The following DNAH17 variants were observed in gnomAD, a reference collection of about 807,000 sequenced individuals.
DNAH17 encodes dynein axonemal heavy chain 17.
A neutral mutation model predicts 485.6 loss-of-function variants in DNAH17; 376 were observed. The observed-to-expected ratio is 0.77, with a 90% CI of 0.71 to 0.84. DNAH17 has a LOEUF of 0.84. Ranked by LOEUF, DNAH17 falls within the 40% of genes least tolerant of loss-of-function variation. The pLI is 0.00. For missense variants in DNAH17, 6,370 were observed against 5,839.3 expected (o/e 1.09, Z -2.96); for synonymous variants, 3,031 against 2,405.9 (o/e 1.26, Z -7.60).
chr17:78,487,226 A>G (rs958441740), intron 44 of DNAH17, among the ~76,000 whole-genome samples: 2 of 152,144 alleles, frequency 1.3e-5, no homozygotes, highest in African/African-American at 2.4e-5. Context: ...TGCTTTAGGC[A>G]GGTTACTGCA....
At chr17:78,517,919 A>G (rs1010304691) in intron 25 of DNAH17, among the ~76,000 whole-genome samples, 1 of 152,236 alleles carries the variant, frequency 6.6e-6, no homozygotes, top group Non-Finnish European at 1.5e-5. Flanking sequence ...GTGAGGGCAA[A>G]GAGATCTAAA....
chr17:78,458,144 G>C (rs2087901121), intron 62 of DNAH17, among the ~76,000 whole-genome samples: 1 of 152,212 alleles, frequency 6.6e-6, no homozygotes. Flanking sequence ...GAAAAGTTAA[G>C]GTGACACATC....
At position 78,548,202 on chromosome 17, in the gene DNAH17, C is replaced by CTTTTTTTTTTTTT. The variant is rs34701814; in HGVS notation, c.2391+3320_2391+3332dup. Among the ~76,000 whole-genome samples the CTTTTTTTTTTTTT allele has an allele frequency of 2.9e-3, 230 of 80,112 alleles. 31 individuals are homozygous for CTTTTTTTTTTTTT. Among genetic ancestry groups the CTTTTTTTTTTTTT allele is most frequent in the African/African-American group, 0.01 (195 of 18,714 alleles). The allele number at this position is 80,112 out of a possible 152,430, so 52.6% of individuals were successfully genotyped here. A position where few individuals can be genotyped will look rare whatever the true frequency, so the allele number is the denominator to read the frequency against. On this transcript the variant is annotated intron_variant, in intron 16 of 80. Transcript: ENST00000389840. ...GTTGTTATTTCGTAGATGTCATGGCCTTTTTTTTTTTTTTTTTTTGGAGAC... is the reference window on the plus strand; with the variant it reads ...GTTGTTATTTCGTAGATGTCATGGCCTTTTTTTTTTTTTTTTTTTTTTTTTTTTTTTTGGAGAC...
Position 78,574,587 on chromosome 17 carries a change from C to G in DNAH17, c.345+126G>C, listed in dbSNP as rs2092406945. On this transcript the variant is annotated intron_variant, in intron 2 of 80. Transcript: ENST00000389840. ...GGACGGGGCCCGAGCGCCTGCATTT[C>G]CAATCCCTCCCCGGCTCTGCAGCTG... is the stretch of plus-strand genomic sequence containing the variant. The G allele has an allele frequency of 4.8e-6, 4 of 825,430 alleles. 1 individual carries two copies. The South Asian group carries it at 7.6e-5, about 16-fold the overall frequency. The allele number at this position is 825,430 out of a possible 1,614,324, so 51.1% of individuals were successfully genotyped here. A position where few individuals can be genotyped will look rare whatever the true frequency, so the allele number is the denominator to read the frequency against.
At chr17:78,559,768 C>T (rs1412332005) in intron 13 of DNAH17, among the ~76,000 whole-genome samples, 3 of 152,158 alleles carry the variant, frequency 2.0e-5, no homozygotes, top group Non-Finnish European at 4.4e-5. Context: ...TGGGGCCCTT[C>T]CTCGTCACCT....
At chr17:78,554,824 G>A (rs1433107369) in intron 14 of DNAH17, among the ~76,000 whole-genome samples, 1 of 152,180 alleles carries the variant, frequency 6.6e-6, no homozygotes, top group Non-Finnish European at 1.5e-5. Context: ...TTGGCTCACT[G>A]CAACCTCCGC....
At chr17:78,453,553 GAGCGAGAC>G in intron 64 of DNAH17, 88 bp from the exon 65 acceptor site, 1 of 1,547,688 alleles carries the variant, frequency 6.5e-7, no homozygotes, top group Non-Finnish European at 8.8e-7. Context: ...CCTGCCCTCT[GAGCGAGAC>G]AGCGCCAAGC....
intron 75 of DNAH17, among the ~76,000 whole-genome samples, chr17:78,431,118 GTCC>G (rs567744079): frequency 1.6e-3 from 237 of 152,156 alleles, no homozygotes; most frequent in Admixed American, 9.8e-3. Context: ...GGCTCAAGCA[GTCC>G]TCCTGCCTCG....
chr17:78,532,863 C>G, intron 19 of DNAH17, 127 bp from the exon 20 acceptor site: 1 of 1,161,260 alleles, frequency 8.6e-7, no homozygotes, highest in Non-Finnish European at 1.2e-6. Context: ...TCATGATGAC[C>G]TGCTCTTTTT....
Position 78,480,455 on chromosome 17 carries a change from A to G in DNAH17, c.7752+229T>C, listed in dbSNP as rs555987873. On this transcript the variant is annotated intron_variant, in intron 49 of 80. Transcript: ENST00000389840. ...TTATCTGGAGTTTGGATTTAACTGCAATTTTATTTGCTAACTCTGCCAGTT... is the reference window on the plus strand; with the variant it reads ...TTATCTGGAGTTTGGATTTAACTGCGATTTTATTTGCTAACTCTGCCAGTT... Among the ~76,000 whole-genome samples the G allele has an allele frequency of 1.8e-3, 280 of 152,346 alleles. 2 individuals carry two copies. The highest frequency in any genetic ancestry group is 6.6e-3 in the African/African-American group (274 of 41,572).
chr17:78,452,574 C>A (rs2087600303), intron 65 of DNAH17, among the ~76,000 whole-genome samples: 1 of 152,088 alleles, frequency 6.6e-6, no homozygotes, highest in South Asian at 2.1e-4. Context: ...CCCGTCTCTA[C>A]TAAAAATACA....
At chr17:78,521,795 T>C (rs560552571) in intron 25 of DNAH17, among the ~76,000 whole-genome samples, 1 of 152,188 alleles carries the variant, frequency 6.6e-6, no homozygotes, top group African/African-American at 2.4e-5. Context: ...GAGACCAGCC[T>C]GGTCAACATG....
intron 16 of DNAH17, among the ~76,000 whole-genome samples, chr17:78,551,039 T>C (rs1170076922): frequency 2.0e-5 from 3 of 152,046 alleles, no homozygotes; most frequent in African/African-American, 7.2e-5. Flanking sequence ...GGCAACATGG[T>C]GAAACCTCAT....
At chr17:78,450,098 C>T (rs2087480790) in intron 68 of DNAH17, 156 bp downstream of exon 68, 2 of 882,734 alleles carry the variant, frequency 2.3e-6, no homozygotes, top group Non-Finnish European at 1.7e-6. Context: ...GCCCCTGGCT[C>T]CCCCTCTTCC....
intron 25 of DNAH17, among the ~76,000 whole-genome samples, chr17:78,524,018 T>C (rs2090999584): frequency 1.3e-5 from 2 of 152,196 alleles, no homozygotes; most frequent in Admixed American, 6.5e-5. Context: ...CCTCTGATGG[T>C]CTGAATATTC....
In DNAH17 at chr17:78,514,744, G is replaced by T. The variant is rs755540874; in HGVS notation, c.4113+30C>A. ...GCAGCAGAGCTGGCCGCCAGGGGCG[G>T]TCCCCTCCGCCCACCATGGTGCATG... On this transcript the variant is annotated intron_variant, in intron 26 of 80. Coordinates refer to ENST00000389840, the MANE Select transcript of DNAH17 (RefSeq NM_173628.4). 61 of 1,606,830 alleles carry T rather than the reference G, an allele frequency of 3.8e-5. No homozygotes were observed. In the African/African-American group the frequency reaches 4.4e-4, roughly 12 times the overall value.
At position 78,486,363 on chromosome 17, in the gene DNAH17, A is replaced by G. The variant is rs568822435; in HGVS notation, c.6962T>C (p.Val2321Ala). Residue 2321 changes from valine (V) to alanine (A), a missense_variant, in exon 45 of 81, where the codon GTG becomes GCG. By Grantham distance (64) the Val-to-Ala change is moderately conservative. Transcript: ENST00000389840. The stretch of plus-strand genomic sequence containing the variant: ...CAGCAGGTACAGAATCGTTTGGATC[A>G]CCGTGATCTCCGGCACTGGCGTGAT... ...KKITPVPEIT[V>A]IQTILYLLEC... 114 of 1,613,876 alleles carry G rather than the reference A, an allele frequency of 7.1e-5. 2 individuals carry two copies. The South Asian group carries it at 1.3e-3, about 18-fold the overall frequency.
chr17:78,484,739 A>ACCCCCCCTGCCCCCCCC, intron 48 of DNAH17, 129 bp downstream of exon 48: 3 of 347,798 alleles, frequency 8.6e-6, no homozygotes, highest in South Asian at 4.2e-5. Context: ...ACGTTGCAGC[A>ACCCCCCCTGCCCCCCCC]CCCCCCCCAC....
chr17:78,432,006 T>TACAGA (rs1030795097), intron 75 of DNAH17, among the ~76,000 whole-genome samples: 7 of 151,540 alleles, frequency 4.6e-5, no homozygotes, highest in South Asian at 2.1e-4. Context: ...ACCCCGTCTT[T>TACAGA]ACAGAACAAA....
Sources: allele counts gnomAD v4.1 joint callset (sites outside exome capture counted in the v4.1 genomes callset), GRCh38; gene constraint gnomAD v4.1.1; transcripts MANE v1.5; gene names NCBI Gene and HGNC (gene_info 2026-07-23, HGNC 2026-07-21).